The following ARHGAP44 variants were observed in gnomAD, a reference collection of about 807,000 sequenced individuals.
ARHGAP44 encodes the protein rho GTPase-activating protein 44.
In ARHGAP44, 43 loss-of-function variants were observed where a neutral mutation model predicts 106.8. The ratio of observed to expected loss-of-function variants is 0.40; its 90% CI spans 0.32 to 0.52. The LOEUF is 0.52. Among genes scored for constraint, ARHGAP44 ranks in the 20% least tolerant of loss-of-function variants. ARHGAP44 has a pLI of 0.48. For synonymous variants in ARHGAP44, 439 were observed against 410.3 expected, an observed-to-expected ratio of 1.07 and a Z score of -0.85; for missense variants, 866 against 1,050.5, an observed-to-expected ratio of 0.82 and a Z score of 2.43.
intron 20 of ARHGAP44, chr17:12,987,293 C>A: frequency 1.4e-6 from 1 of 702,672 alleles, no homozygotes; most frequent in Non-Finnish European, 2.2e-6. Flanking sequence ...CCGGCCTCAG[C>A]AAGGATGAGT....
intron 7 of ARHGAP44, among the ~76,000 whole-genome samples, chr17:12,935,726 A>AG (rs2038527782): frequency 6.6e-6 from 1 of 152,182 alleles, no homozygotes; most frequent in Non-Finnish European, 1.5e-5. Flanking sequence ...ATTTTAGTAA[A>AG]CAACAGAATT....
chr17:12,894,961 G>T lies in ARHGAP44; in HGVS notation c.75G>T (p.Leu25Phe). Residue 25 changes from leucine (L) to phenylalanine (F), a missense_variant, in exon 2 of 21, where the codon TTG becomes TTT. Physicochemically the swap from Leu to Phe is conservative, Grantham distance 22. Coordinates refer to ENST00000379672, the MANE Select transcript of ARHGAP44 (RefSeq NM_014859.6). ...TTAGGGCTGAAAAGACAGAAGTTTT[G>T]AGTGAAGACCTTCTTCAGGTAAGGC... Reference protein sequence around the residue: ...TVGRAEKTEVLSEDLLQVEKR... With the variant: ...TVGRAEKTEVFSEDLLQVEKR... The T allele has an allele frequency of 6.3e-7, 1 of 1,589,952 alleles. No homozygotes were observed.
intron 4 of ARHGAP44, 120 bp from the exon 5 acceptor site, chr17:12,915,780 C>A (rs2037892292): frequency 5.1e-6 from 4 of 786,566 alleles, no homozygotes; most frequent in Non-Finnish European, 8.2e-6. Context: ...TGGAGATCAG[C>A]CAGCTTATTA....
intron 6 of ARHGAP44, 76 bp downstream of exon 6, chr17:12,919,907 G>A: frequency 7.9e-7 from 1 of 1,262,548 alleles, no homozygotes; most frequent in South Asian, 1.4e-5. Context: ...GTTTTAAGTA[G>A]GCAATTGTGT....
intron 1 of ARHGAP44, among the ~76,000 whole-genome samples, chr17:12,822,163 T>C (rs1470223831): frequency 6.6e-6 from 1 of 152,202 alleles, no homozygotes; most frequent in Non-Finnish European, 1.5e-5. Flanking sequence ...TTAGGCTTTG[T>C]GGGAAACTAC....
rs548207345 is a variant in ARHGAP44, at chr17:12,963,073, A to T, written c.1523+4176A>T. The stretch of plus-strand genomic sequence containing the variant: ...AAAAAAAAAAAAAAAAAAAAAAAGC[A>T]ATTTCTGTTGTTCACCAACCTTGTG... On this transcript the variant is annotated intron_variant, in intron 16 of 20. Coordinates refer to ENST00000379672, the MANE Select transcript of ARHGAP44 (RefSeq NM_014859.6). 2.1e-3 allele frequency among the ~76,000 whole-genome samples: 314 copies of T among 148,208 alleles called. 1 individual carries two copies. The highest frequency in any genetic ancestry group is 7.2e-3 in the African/African-American group (287 of 39,912).
At chr17:12,842,124 TGC>T (rs1259416592) in intron 1 of ARHGAP44, among the ~76,000 whole-genome samples, 4 of 150,490 alleles carry the variant, frequency 2.7e-5, no homozygotes, top group African/African-American at 9.9e-5. Flanking sequence ...GTCATTGGTC[TGC>T]GACACACCTG....
chr17:12,973,121 C>T (rs1042467568), intron 16 of ARHGAP44, 181 bp from the exon 17 acceptor site: 10 of 627,986 alleles, frequency 1.6e-5, no homozygotes, highest in African/African-American at 1.3e-4. Flanking sequence ...CTTACACTTA[C>T]ACAAATAGGA....
rs142974983 is a variant in ARHGAP44, at chr17:12,850,175, C to G, written c.54-44765C>G. 2.8e-3 allele frequency among the ~76,000 whole-genome samples: 423 copies of G among 152,210 alleles called. 10 individuals carry two copies. The highest frequency in any genetic ancestry group is 0.026 in the Admixed American group (393 of 15,286). ...CTCAGAGAACATTTTCCAACCAGCT[C>G]CATTTAATAGACAAGGATGTGAAAG... is the stretch of plus-strand genomic sequence containing the variant. On this transcript the variant is annotated intron_variant, in intron 1 of 20. Transcript: ENST00000379672.
At chr17:12,805,278 T>C (rs900921041) in intron 1 of ARHGAP44, among the ~76,000 whole-genome samples, 3 of 152,210 alleles carry the variant, frequency 2.0e-5, no homozygotes, top group African/African-American at 7.2e-5. Context: ...AGAAGCTGTG[T>C]GTCTTTGCAG....
At chr17:12,874,402 A>G (rs145809679) in intron 1 of ARHGAP44, among the ~76,000 whole-genome samples, 9 of 152,254 alleles carry the variant, frequency 5.9e-5, no homozygotes, top group African/African-American at 2.2e-4. Flanking sequence ...TTAACAAGGT[A>G]ACAGAGCCTG....
At chr17:12,902,530 G>T (rs776337374) in intron 3 of ARHGAP44, among the ~76,000 whole-genome samples, 1 of 152,074 alleles carries the variant, frequency 6.6e-6, no homozygotes, top group Non-Finnish European at 1.5e-5. Flanking sequence ...CATAAGCTCC[G>T]TTCTCCGTGC....
At chr17:12,831,842 T>C (rs1319313385) in intron 1 of ARHGAP44, among the ~76,000 whole-genome samples, 1 of 152,198 alleles carries the variant, frequency 6.6e-6, no homozygotes, top group Admixed American at 6.5e-5. Flanking sequence ...CTTTTGAGTG[T>C]TCTCAGGCAA....
chr17:12,944,021 G>C (rs754056255), intron 9 of ARHGAP44, 48 bp from the exon 10 acceptor site: 1 of 1,543,842 alleles, frequency 6.5e-7, no homozygotes, highest in Non-Finnish European at 8.8e-7. Flanking sequence ...TCCAGCATGA[G>C]TGAACTTGGC....
Position 12,837,286 on chromosome 17 carries a change from A to G in ARHGAP44, c.53+47395A>G, listed in dbSNP as rs114894653. Reference sequence around the variant, plus strand: ...ATGTTGGAGGGAATTGAATAGCATTAAATTCTTACATTAGAAAAGAAGAAT... The same window carrying G: ...ATGTTGGAGGGAATTGAATAGCATTGAATTCTTACATTAGAAAAGAAGAAT... On this transcript the variant is annotated intron_variant, in intron 1 of 20. Transcript: ENST00000379672. 4.4e-3 allele frequency among the ~76,000 whole-genome samples: 672 copies of G among 152,350 alleles called. 7 individuals carry two copies. Among genetic ancestry groups the G allele is most frequent in the African/African-American group, 0.016 (650 of 41,580 alleles).
chr17:12,975,409 A>C (rs2039651278), intron 18 of ARHGAP44, among the ~76,000 whole-genome samples: 1 of 152,104 alleles, frequency 6.6e-6, no homozygotes, highest in African/African-American at 2.4e-5. Context: ...AGCTTGCCAC[A>C]TGGTTGAATT....
chr17:12,984,004 A>G (rs2039895655), intron 19 of ARHGAP44, among the ~76,000 whole-genome samples: 1 of 152,202 alleles, frequency 6.6e-6, no homozygotes, highest in Non-Finnish European at 1.5e-5. Context: ...ATTTGCTCAC[A>G]TATCACTGTT....
intron 4 of ARHGAP44, among the ~76,000 whole-genome samples, chr17:12,913,410 T>C (rs1034053243): frequency 2.6e-5 from 4 of 152,038 alleles, no homozygotes; most frequent in Admixed American, 2.6e-4. Flanking sequence ...CCAGTAATTA[T>C]AGTATACTAC....
chr17:12,850,552 A>G (rs945244677), intron 1 of ARHGAP44, among the ~76,000 whole-genome samples: 1 of 151,952 alleles, frequency 6.6e-6, no homozygotes, highest in South Asian at 2.1e-4. Flanking sequence ...TCACCTCTCC[A>G]TTGGCCTCCA....
Sources: gnomAD v4.1 joint callset for allele counts (sites outside exome capture counted in the v4.1 genomes callset) on GRCh38, gnomAD v4.1.1 for gene constraint, MANE v1.5 for transcripts, NCBI Gene and HGNC (gene_info 2026-07-23, HGNC 2026-07-21) for gene names.